The following DLGAP2 variants were observed in gnomAD, a reference collection of about 807,000 sequenced individuals.
DLGAP2 encodes the protein disks large-associated protein 2.
DLGAP2 carries 26 observed loss-of-function variants against 100.3 expected under a neutral mutation model. The observed-to-expected ratio is 0.26, with a 90% confidence interval of 0.19 to 0.36. The LOEUF (loss-of-function observed/expected upper bound fraction) is 0.36. Ranked by LOEUF, DLGAP2 falls within the 10% of genes least tolerant of loss-of-function variation. The pLI, the probability that DLGAP2 is intolerant of heterozygous loss-of-function variation, is 1.00. For missense variants in DLGAP2, 1,858 were observed against 1,453.2 expected, an observed-to-expected ratio of 1.28 and a Z score of -4.53; for synonymous variants, 886 against 630.1, an observed-to-expected ratio of 1.41 and a Z score of -6.08.
chr8:770,048 C>G (rs190860214), intron 1 of DLGAP2, among the ~76,000 whole-genome samples: 4 of 152,200 alleles, frequency 2.6e-5, no homozygotes, highest in Non-Finnish European at 5.9e-5. Context: ...TAAGAACTTA[C>G]ATGCATGCAT....
rs1451220273 is a variant in DLGAP2 at position 1,482,109 on chromosome 8, T to C, written c.107-19257T>C. 3.3e-5 allele frequency among the ~76,000 whole-genome samples: 5 copies of C among 152,230 alleles called. No homozygotes were observed. The East Asian group carries it at 9.6e-4, about 29-fold the overall frequency. Reference sequence around the variant, plus strand: ...AAAGCATCCAAGTGGCTGTGTGACATCTGTCACCCCGTGTCATGCTCACAT... The same window carrying C: ...AAAGCATCCAAGTGGCTGTGTGACACCTGTCACCCCGTGTCATGCTCACAT... On this transcript the variant is annotated intron_variant, in intron 3 of 14. Transcript: ENST00000637795.
Position 1,047,396 on chromosome 8 carries a change from C to T in DLGAP2, c.73+139430C>T, listed in dbSNP as rs1201032811. The stretch of plus-strand genomic sequence containing the variant: ...TGGATTTTGGAATATTTGCATTACA[C>T]TTACCAGTTAATGATCCCATATTTT... On this transcript the variant is annotated intron_variant, in intron 2 of 14. Coordinates refer to ENST00000637795, the MANE Select transcript of DLGAP2 (RefSeq NM_001346810.2). 2.0e-5 allele frequency among the ~76,000 whole-genome samples: 3 copies of T among 152,278 alleles called. No homozygotes were observed. The East Asian group carries it at 5.8e-4, about 29-fold the overall frequency.
At chr8:1,563,475 G>A (rs1216889810) in intron 5 of DLGAP2, among the ~76,000 whole-genome samples, 5 of 131,650 alleles carry the variant, frequency 3.8e-5, no homozygotes, top group South Asian at 2.8e-4. Context: ...GGGTGTCCGC[G>A]CCTCGTTACT....
At chr8:1,655,241 C>T (rs183809874) in intron 8 of DLGAP2, among the ~76,000 whole-genome samples, 1 of 152,346 alleles carries the variant, frequency 6.6e-6, no homozygotes, top group African/African-American at 2.4e-5. Context: ...TGTTTTGTGA[C>T]TAGCATTAAT....
intron 2 of DLGAP2, among the ~76,000 whole-genome samples, chr8:1,257,223 G>A (rs12545985): frequency 0.74 from 111,870 of 151,882 alleles, 42,109 homozygotes; most frequent in Middle Eastern, 0.86. Flanking sequence ...CACAGAGCCC[G>A]ACCTGCCACA....
chr8:932,992 G>A (rs1380369967), intron 2 of DLGAP2, among the ~76,000 whole-genome samples: 2 of 152,268 alleles, frequency 1.3e-5, no homozygotes, highest in South Asian at 2.1e-4. Flanking sequence ...ATATGGTTAG[G>A]GTTTTTTCTT....
intron 3 of DLGAP2, among the ~76,000 whole-genome samples, chr8:1,314,053 C>G (rs1367391271): frequency 1.3e-5 from 2 of 152,194 alleles, no homozygotes; most frequent in Non-Finnish European, 2.9e-5. Context: ...GCAACACACG[C>G]TTTTCAGTTA....
chr8:1,131,175 G>T (rs1343538247), intron 2 of DLGAP2, among the ~76,000 whole-genome samples: 1 of 152,196 alleles, frequency 6.6e-6, no homozygotes. Flanking sequence ...TCTTTCAGCT[G>T]CTTTTCCCAG....
chr8:972,735 T>C (rs1800046222), intron 2 of DLGAP2, among the ~76,000 whole-genome samples: 1 of 152,108 alleles, frequency 6.6e-6, no homozygotes, highest in South Asian at 2.1e-4. Flanking sequence ...TGAACAAAGA[T>C]CTCTGGTTTT....
chr8:1,326,304 T>C (rs753605601), intron 3 of DLGAP2, among the ~76,000 whole-genome samples: 11 of 152,256 alleles, frequency 7.2e-5, no homozygotes, highest in Non-Finnish European at 1.6e-4. Context: ...ATTGCACATA[T>C]ATTTTGTTCT....
chr8:1,438,605 A>G (rs1397749720), intron 3 of DLGAP2, among the ~76,000 whole-genome samples: 1 of 152,232 alleles, frequency 6.6e-6, no homozygotes, highest in Non-Finnish European at 1.5e-5. Context: ...GCAGTGAGGA[A>G]AGAACCGAGA....
intron 1 of DLGAP2, among the ~76,000 whole-genome samples, chr8:906,017 A>G (rs1798372351): frequency 6.6e-6 from 1 of 152,226 alleles, no homozygotes; most frequent in African/African-American, 2.4e-5. Flanking sequence ...GGTTGCCTGC[A>G]CTTGCGTTAG....
Position 1,553,830 on chromosome 8 carries a change from T to G in DLGAP2, c.1230+4147T>G, listed in dbSNP as rs762277847. 4.6e-5 allele frequency among the ~76,000 whole-genome samples: 7 copies of G among 152,228 alleles called. No individual in the cohort carries two copies. The East Asian group carries it at 1.3e-3, about 29-fold the overall frequency. ...CAGATCCCTGGCTTTCAGGCTCAGCTACTGCATTTGTGAGGTTTCCAGTTA... is the reference window on the plus strand; with the variant it reads ...CAGATCCCTGGCTTTCAGGCTCAGCGACTGCATTTGTGAGGTTTCCAGTTA... On this transcript the variant is annotated intron_variant, in intron 5 of 14. Transcript: ENST00000637795.
intron 3 of DLGAP2, chr8:1,301,502 G>T (rs2116994790): frequency 6.6e-6 from 1 of 152,132 alleles, no homozygotes; most frequent in Middle Eastern, 3.4e-3. Flanking sequence ...TAGGTCTGAG[G>T]TTCATGCTGG....
chr8:1,277,340 T>C (rs922466491), intron 3 of DLGAP2, among the ~76,000 whole-genome samples: 1 of 152,160 alleles, frequency 6.6e-6, no homozygotes, highest in East Asian at 1.9e-4. Flanking sequence ...CAAATTAATC[T>C]AGGCAGCCTG....
chr8:1,302,731 G>C (rs7017741), intron 3 of DLGAP2: 103,115 of 151,912 alleles, frequency 0.68, 36,202 homozygotes, highest in African/African-American at 0.87. Context: ...GTAACGGGCA[G>C]TGAGGTCGAA....
At chr8:748,356 G>A (rs1256639683) in intron 1 of DLGAP2, among the ~76,000 whole-genome samples, 1 of 151,898 alleles carries the variant, frequency 6.6e-6, no homozygotes, top group Non-Finnish European at 1.5e-5. Flanking sequence ...TCTCTGTCTC[G>A]CTCCTCCAAG....
intron 1 of DLGAP2, among the ~76,000 whole-genome samples, chr8:834,654 C>T (rs1362113134): frequency 3.3e-5 from 5 of 152,118 alleles, no homozygotes; most frequent in Admixed American, 6.5e-5. Flanking sequence ...GAAATGCAGT[C>T]CTGGACCTCC....
chr8:1,512,292 A>T (rs138160115), intron 4 of DLGAP2, among the ~76,000 whole-genome samples: 1 of 152,340 alleles, frequency 6.6e-6, no homozygotes, highest in East Asian at 1.9e-4. Context: ...ATAACCCATG[A>T]ATGTTATTAC....
Sources: allele counts gnomAD v4.1 joint callset (sites outside exome capture counted in the v4.1 genomes callset), GRCh38; gene constraint gnomAD v4.1.1; transcripts MANE v1.5; gene names NCBI Gene and HGNC (gene_info 2026-07-23, HGNC 2026-07-21).